NEGR1: variants seen among roughly 807,000 people sequenced by gnomAD.
The protein encoded by NEGR1 is neuronal growth regulator 1, also known as IgLON family member 4.
Under a neutral mutation model 40.9 loss-of-function variants are expected in NEGR1, and 10 were observed. The ratio of observed to expected loss-of-function variants is 0.24; its 90% CI spans 0.15 to 0.42. NEGR1 has a LOEUF of 0.42. Ranked by LOEUF, NEGR1 falls within the 10% of genes least tolerant of loss-of-function variation. The probability of loss-of-function intolerance (pLI) is 1.00; values close to 1 mark genes in which losing one functional copy is unlikely to be tolerated. For synonymous variants in NEGR1, 185 were observed against 166.8 expected (o/e 1.11, Z -0.84); for missense variants, 352 against 438.9 (o/e 0.80, Z 1.77).
intron 1 of NEGR1, among the ~76,000 whole-genome samples, chr1:72,108,685 T>C (rs2100262432): frequency 6.6e-6 from 1 of 151,580 alleles, no homozygotes; most frequent in East Asian, 1.9e-4. Flanking sequence ...TTACGGGAGA[T>C]TATAATAGAC....
intron 6 of NEGR1, among the ~76,000 whole-genome samples, chr1:71,509,539 A>G (rs750994439): frequency 1.3e-5 from 2 of 152,186 alleles, no homozygotes; most frequent in African/African-American, 2.4e-5. Flanking sequence ...GTAACTTGTT[A>G]CCATACAATT....
intron 2 of NEGR1, among the ~76,000 whole-genome samples, chr1:71,933,193 G>T (rs1356334136): frequency 6.6e-6 from 1 of 151,918 alleles, no homozygotes; most frequent in Admixed American, 6.6e-5. Context: ...GAGTACTATA[G>T]TAAGACATGT....
At chr1:71,825,779 T>C (rs1173504604) in intron 2 of NEGR1, among the ~76,000 whole-genome samples, 1 of 151,880 alleles carries the variant, frequency 6.6e-6, no homozygotes, top group Non-Finnish European at 1.5e-5. Flanking sequence ...TCAATGTATA[T>C]TAGAAAGAAG....
chr1:71,819,941 C>T (rs1392341514), intron 2 of NEGR1, among the ~76,000 whole-genome samples: 5 of 151,978 alleles, frequency 3.3e-5, no homozygotes, highest in African/African-American at 1.2e-4. Context: ...AGTAAAAATT[C>T]CCTGATAGCT....
At chr1:71,554,928 G>C (rs937923562) in intron 6 of NEGR1, among the ~76,000 whole-genome samples, 4 of 151,496 alleles carry the variant, frequency 2.6e-5, no homozygotes, top group Non-Finnish European at 5.9e-5. Context: ...CAGTAACCCA[G>C]TGAAAAACTC....
chr1:71,880,238 A>G (rs939618745), intron 2 of NEGR1, among the ~76,000 whole-genome samples: 3 of 152,076 alleles, frequency 2.0e-5, no homozygotes, highest in Non-Finnish European at 4.4e-5. Flanking sequence ...AGAGAGGCCT[A>G]TAATTTAAAT....
At chr1:71,816,235 C>A (rs1336138513) in intron 2 of NEGR1, among the ~76,000 whole-genome samples, 1 of 152,044 alleles carries the variant, frequency 6.6e-6, no homozygotes, top group African/African-American at 2.4e-5. Context: ...GTATGCTTAA[C>A]AATTACATGT....
At chr1:71,410,193 A>T (rs1364572391) in intron 6 of NEGR1, among the ~76,000 whole-genome samples, 1 of 152,108 alleles carries the variant, frequency 6.6e-6, no homozygotes, top group Non-Finnish European at 1.5e-5. Context: ...TAGTCCTGAA[A>T]TAAACTAGAA....
At chr1:71,857,989 G>A (rs1248893781) in intron 2 of NEGR1, among the ~76,000 whole-genome samples, 1 of 151,884 alleles carries the variant, frequency 6.6e-6, no homozygotes, top group Non-Finnish European at 1.5e-5. Flanking sequence ...ATTCAATTTG[G>A]CAGGCTTCAC....
intron 1 of NEGR1, among the ~76,000 whole-genome samples, chr1:72,245,655 A>G (rs1654878985): frequency 6.6e-6 from 1 of 152,206 alleles, no homozygotes; most frequent in Non-Finnish European, 1.5e-5. Context: ...CATTTAGAAG[A>G]TTCAAACACT....
chr1:71,680,135 A>T (rs1005740812), intron 4 of NEGR1, among the ~76,000 whole-genome samples: 2 of 152,014 alleles, frequency 1.3e-5, no homozygotes, highest in African/African-American at 4.8e-5. Flanking sequence ...TCATAAAATT[A>T]TTTGAAAGTT....
chr1:71,751,048 T>C (rs1655555029), intron 3 of NEGR1, among the ~76,000 whole-genome samples: 1 of 152,058 alleles, frequency 6.6e-6, no homozygotes. Context: ...GAGAATATAG[T>C]AAAATATTTG....
intron 2 of NEGR1, among the ~76,000 whole-genome samples, chr1:71,818,046 C>T (rs1658291079): frequency 6.6e-6 from 1 of 151,938 alleles, no homozygotes; most frequent in Non-Finnish European, 1.5e-5. Flanking sequence ...TTAACAGATG[C>T]CAGCAAGGCT....
rs71074806 is a variant in NEGR1, at chr1:71,811,858, A to ATTTATTTTATTTTATTTTATTTTAT, written c.410-35586_410-35562dup. 5.1e-3 allele frequency among the ~76,000 whole-genome samples: 707 copies of ATTTATTTTATTTTATTTTATTTTAT among 137,538 alleles called. 13 individuals carry two copies. The highest frequency in any genetic ancestry group is 0.019 in the African/African-American group (684 of 35,696). 90.2% of individuals were successfully genotyped at this position (137,538 alleles called of 152,430 possible). ...TGACTCAATATCCAAAGTTCTATTTATTTATTTTATTTTATTTTATTTTAT... is the reference window on the plus strand; with the variant it reads ...TGACTCAATATCCAAAGTTCTATTTATTTATTTTATTTTATTTTATTTTATTTTATTTTATTTTATTTTATTTTAT... On this transcript the variant is annotated intron_variant, in intron 2 of 6. Coordinates refer to ENST00000357731, the MANE Select transcript of NEGR1 (RefSeq NM_173808.3).
chr1:71,763,746 A>AGTGTGT (rs55890627), intron 3 of NEGR1, among the ~76,000 whole-genome samples: 43 of 149,966 alleles, frequency 2.9e-4, no homozygotes, highest in African/African-American at 1.0e-3. Flanking sequence ...CATATTTAGG[A>AGTGTGT]GTGTGTGTGT....
chr1:71,606,744 G>A (rs998643184), intron 5 of NEGR1, among the ~76,000 whole-genome samples: 3 of 145,972 alleles, frequency 2.1e-5, no homozygotes, highest in South Asian at 2.1e-4. Flanking sequence ...AAACTGGAAA[G>A]TGTTTTTTTT....
chr1:71,549,888 C>A (rs1314718289), intron 6 of NEGR1, among the ~76,000 whole-genome samples: 12 of 151,646 alleles, frequency 7.9e-5, no homozygotes, highest in Non-Finnish European at 1.6e-4. Context: ...AGGCATATAG[C>A]AAGTGTTCAA....
chr1:72,037,515 C>T (rs1240766901), intron 1 of NEGR1, among the ~76,000 whole-genome samples: 3 of 152,122 alleles, frequency 2.0e-5, no homozygotes, highest in Non-Finnish European at 4.4e-5. Context: ...CCATCATTAA[C>T]CAATTGTGCT....
chr1:72,101,589 T>A (rs1424464818), intron 1 of NEGR1, among the ~76,000 whole-genome samples: 1 of 152,178 alleles, frequency 6.6e-6, no homozygotes, highest in African/African-American at 2.4e-5. Flanking sequence ...CTTCTTTTTT[T>A]AAATTTATTT....
Sources: gnomAD v4.1 joint callset for allele counts (sites outside exome capture counted in the v4.1 genomes callset) on GRCh38, gnomAD v4.1.1 for gene constraint, MANE v1.5 for transcripts, NCBI Gene and HGNC (gene_info 2026-07-23, HGNC 2026-07-21) for gene names.